Variants in CCDC88C observed in about 807,000 individuals in gnomAD.
CCDC88C encodes the protein protein Daple.
A neutral mutation model predicts 198.8 loss-of-function variants in CCDC88C; 131 were observed. The observed-to-expected ratio is 0.66, with a 90% CI of 0.57 to 0.76. The LOEUF (loss-of-function observed/expected upper bound fraction) is 0.76. Ranked by LOEUF, CCDC88C falls within the 30% of genes least tolerant of loss-of-function variation. The pLI is 0.00. For missense variants in CCDC88C, 2,553 were observed against 2,631.6 expected, an observed-to-expected ratio of 0.97 and a Z score of 0.65; for synonymous variants, 1,166 against 1,114.7, an observed-to-expected ratio of 1.05 and a Z score of -0.92.
intron 24 of CCDC88C, 88 bp from the exon 25 acceptor site, chr14:91,289,431 C>A: frequency 1.7e-6 from 2 of 1,157,410 alleles, no homozygotes; most frequent in Non-Finnish European, 2.6e-6. Flanking sequence ...CTGGGATGTT[C>A]TTCCCCAGTC....
intron 3 of CCDC88C, among the ~76,000 whole-genome samples, chr14:91,377,924 C>T (rs918772138): frequency 2.0e-5 from 3 of 152,190 alleles, no homozygotes; most frequent in African/African-American, 4.8e-5. Flanking sequence ...CAGGAGCACA[C>T]GACGCTGCTC....
intron 3 of CCDC88C, 142 bp from the exon 4 acceptor site, chr14:91,359,853 A>C (rs1596110711): frequency 1.4e-6 from 1 of 709,268 alleles, no homozygotes; most frequent in Non-Finnish European, 2.5e-6. Context: ...AATGACAGCA[A>C]GGAGCACGTA....
At chr14:91,318,686 C>G (rs549490630) in intron 13 of CCDC88C, among the ~76,000 whole-genome samples, 1 of 152,090 alleles carries the variant, frequency 6.6e-6, no homozygotes, top group South Asian at 2.1e-4. Context: ...CACATTGGGA[C>G]GCTGAGGTGG....
intron 25 of CCDC88C, among the ~76,000 whole-genome samples, chr14:91,286,767 T>C (rs1331568763): frequency 6.6e-6 from 1 of 152,186 alleles, no homozygotes; most frequent in Admixed American, 6.5e-5. Flanking sequence ...AGGCAGTCCA[T>C]GCAGTTAAGT....
chr14:91,357,210 G>C (rs79665973), intron 4 of CCDC88C, among the ~76,000 whole-genome samples: 2,839 of 152,216 alleles, frequency 0.019, 94 homozygotes, highest in African/African-American at 0.063. Context: ...GGAAATGGGC[G>C]CAGCCACACC....
intron 3 of CCDC88C, among the ~76,000 whole-genome samples, chr14:91,365,663 T>C (rs11844742): frequency 0.019 from 2,883 of 152,202 alleles, 96 homozygotes; most frequent in African/African-American, 0.064. Flanking sequence ...TTAAATGACA[T>C]CCTTAGCCCC....
chr14:91,345,190 A>ATATAT (rs1246878587), intron 4 of CCDC88C, among the ~76,000 whole-genome samples: 11 of 52,198 alleles, frequency 2.1e-4, no homozygotes, highest in Admixed American at 1.2e-3. Flanking sequence ...ATATATATAT[A>ATATAT]TTTTTTTTTT....
At chr14:91,363,811 G>A (rs768895476) in intron 3 of CCDC88C, among the ~76,000 whole-genome samples, 5 of 152,268 alleles carry the variant, frequency 3.3e-5, no homozygotes, top group African/African-American at 7.2e-5. Context: ...CCTCCCCCGC[G>A]GGGAATGTGG....
intron 3 of CCDC88C, among the ~76,000 whole-genome samples, chr14:91,397,881 C>T (rs1002119548): frequency 3.3e-5 from 5 of 152,244 alleles, no homozygotes; most frequent in African/African-American, 1.2e-4. Flanking sequence ...TACCTCCCTA[C>T]ATGATTCTAG....
chr14:91,380,777 G>T (rs188760039), intron 3 of CCDC88C, among the ~76,000 whole-genome samples: 1 of 152,092 alleles, frequency 6.6e-6, no homozygotes, highest in Non-Finnish European at 1.5e-5. Context: ...GGGAAGGGGC[G>T]GGGGAGACCA....
At chr14:91,379,811 T>C (rs1443431629) in intron 3 of CCDC88C, 1 of 702,894 alleles carries the variant, frequency 1.4e-6, no homozygotes, top group African/African-American at 1.7e-5. Flanking sequence ...CCACTGGGTT[T>C]GTTTGAAGCC....
chr14:91,395,085 A>G (rs1325732176), intron 3 of CCDC88C, among the ~76,000 whole-genome samples: 1 of 152,190 alleles, frequency 6.6e-6, no homozygotes, highest in African/African-American at 2.4e-5. Flanking sequence ...ACTCTCAGAG[A>G]TGAAGTAACT....
chr14:91,313,983 A>G lies in CCDC88C; in HGVS notation c.1833T>C (p.Phe611=). 2 of 1,613,518 alleles carry G rather than the reference A, an allele frequency of 1.2e-6. No individual in the cohort carries two copies. The highest frequency in any genetic ancestry group is 1.3e-5 in the African/African-American group (1 of 74,874). The change falls in exon 15 of 30, where the codon TTT becomes TTC. Residue 611 remains phenylalanine, a synonymous_variant. Transcript: ENST00000389857. The surrounding 1 kb of genome is among the most constrained non-coding windows in gnomAD (Gnocchi z 5.2). ...EANGKLSQLE[F]EKRQLHRDLE... ...AGTCCCTGTGCAGCTGCCGCTTCTC[A>G]AACTCCAACTGGCTGAGCTTGCCAT...
chr14:91,325,794 C>G lies in CCDC88C; in HGVS notation c.1197+116G>C. 1 of 1,038,538 alleles carries G rather than the reference C, an allele frequency of 9.6e-7. No individual in the cohort carries two copies. The highest frequency in any genetic ancestry group is 1.4e-6 in the Non-Finnish European group (1 of 724,722). The allele number at this position is 1,038,538 out of a possible 1,614,324, so 64.3% of individuals were successfully genotyped here. A position where few individuals can be genotyped will look rare whatever the true frequency, so the allele number is the denominator to read the frequency against. ...TCGCTAGGTTGCCAGGGTTAGAACT[C>G]CTGCGCTCAAGGGATCCTCCCACCT... On this transcript the variant is annotated intron_variant, in intron 11 of 29. Transcript: ENST00000389857. This position sits in a 1 kb window ranked among gnomAD's most constrained non-coding sequence, Gnocchi z 4.1.
intron 10 of CCDC88C, among the ~76,000 whole-genome samples, chr14:91,330,012 C>A (rs1423301796): frequency 6.6e-6 from 1 of 152,240 alleles, no homozygotes; most frequent in Non-Finnish European, 1.5e-5. Flanking sequence ...TGTTCCAACA[C>A]AACTGTGTTC....
At chr14:91,329,533 C>T (rs1184324021) in intron 10 of CCDC88C, among the ~76,000 whole-genome samples, 1 of 152,220 alleles carries the variant, frequency 6.6e-6, no homozygotes, top group Non-Finnish European at 1.5e-5. Context: ...CCCTTTATTT[C>T]TTCCTTCCTG....
chr14:91,305,163 AC>A (rs1891507249), intron 19 of CCDC88C, among the ~76,000 whole-genome samples: 2 of 152,312 alleles, frequency 1.3e-5, no homozygotes, highest in Admixed American at 1.3e-4. Flanking sequence ...GCACCACTGC[AC>A]TCCAGCCTGG....
Position 91,338,439 on chromosome 14 carries a change from A to C in CCDC88C, c.891+50T>G. 6.8e-7 allele frequency: 1 copy of C among 1,477,042 alleles called. No homozygotes were observed. The highest frequency in any genetic ancestry group is 9.3e-7 in the Non-Finnish European group (1 of 1,079,634). The allele number at this position is 1,477,042 out of a possible 1,614,324, so 91.5% of individuals were successfully genotyped here. The stretch of plus-strand genomic sequence containing the variant: ...GACCCTCCAGGCCCCGTTACTGGAC[A>C]CTCCAGCCCTGCTACCCCCAGGACA... On this transcript the variant is annotated intron_variant, in intron 9 of 29. Coordinates refer to ENST00000389857, the MANE Select transcript of CCDC88C (RefSeq NM_001080414.4). This position sits in a 1 kb window ranked among gnomAD's most constrained non-coding sequence, Gnocchi z 4.8.
intron 3 of CCDC88C, 25 bp from the exon 4 acceptor site, chr14:91,359,736 T>C: frequency 3.1e-6 from 5 of 1,593,512 alleles, no homozygotes; most frequent in Non-Finnish European, 4.3e-6. Context: ...GGGGAAAAGA[T>C]ACCATTAAGA....
Sources: allele counts gnomAD v4.1 joint callset (sites outside exome capture counted in the v4.1 genomes callset), GRCh38; gene constraint gnomAD v4.1.1; non-coding constraint Gnocchi (gnomAD v3.1); transcripts MANE v1.5; gene names NCBI Gene and HGNC (gene_info 2026-07-23, HGNC 2026-07-21).